Variants in KIF16B observed in about 807,000 individuals in gnomAD.
KIF16B encodes kinesin family member 16B.
A neutral mutation model predicts 156.3 loss-of-function variants in KIF16B; 98 were observed. The ratio of observed to expected loss-of-function variants is 0.63; its 90% CI spans 0.53 to 0.74. KIF16B has a LOEUF of 0.74. KIF16B is among the 30% of genes least tolerant of loss of function. The pLI is 0.00. For missense variants in KIF16B, 1,421 were observed against 1,606.5 expected (o/e 0.88, Z 1.97); for synonymous variants, 564 against 583.7 (o/e 0.97, Z 0.49).
At chr20:16,423,207 G>T (rs1049624524) in intron 15 of KIF16B, among the ~76,000 whole-genome samples, 1 of 151,954 alleles carries the variant, frequency 6.6e-6, no homozygotes, top group African/African-American at 2.4e-5. Context: ...GAACCCAGGT[G>T]TATTAAACAA....
chr20:16,527,467 C>T lies in KIF16B; in HGVS notation c.117+904G>A, dbSNP rs2069588836. Among the ~76,000 whole-genome samples the T allele has an allele frequency of 2.0e-5, 3 of 152,216 alleles. No homozygotes were observed. In the South Asian group the frequency reaches 6.2e-4, roughly 32 times the overall value. Reference sequence around the variant, plus strand: ...TGAACAGGAGATAGATCTGACTTGGCCATGGAGCATCATGTCTCAGAAACC... The same window carrying T: ...TGAACAGGAGATAGATCTGACTTGGTCATGGAGCATCATGTCTCAGAAACC... On this transcript the variant is annotated intron_variant, in intron 2 of 25. Coordinates refer to ENST00000354981, the MANE Select transcript of KIF16B (RefSeq NM_024704.5).
intron 17 of KIF16B, among the ~76,000 whole-genome samples, chr20:16,394,279 C>T (rs2065439572): frequency 6.6e-6 from 1 of 152,150 alleles, no homozygotes; most frequent in East Asian, 1.9e-4. Context: ...GCTCATCTCC[C>T]CACCTACTTT....
At chr20:16,501,614 T>C (rs1043227625) in intron 10 of KIF16B, among the ~76,000 whole-genome samples, 1 of 152,176 alleles carries the variant, frequency 6.6e-6, no homozygotes, top group East Asian at 1.9e-4. Flanking sequence ...TAAAGTACAA[T>C]GGACAAATGA....
intron 12 of KIF16B, among the ~76,000 whole-genome samples, chr20:16,471,205 A>G (rs1012777417): frequency 1.4e-4 from 22 of 152,296 alleles, no homozygotes; most frequent in African/African-American, 5.3e-4. Flanking sequence ...TTGACCCAAC[A>G]AAAGCCAATT....
intron 17 of KIF16B, among the ~76,000 whole-genome samples, chr20:16,392,514 G>A (rs1319890051): frequency 2.6e-5 from 4 of 152,222 alleles, no homozygotes; most frequent in Admixed American, 2.6e-4. Flanking sequence ...AGGCACCGCA[G>A]TTCCTCTGCC....
At chr20:16,330,005 T>C (rs1312463894) in intron 24 of KIF16B, among the ~76,000 whole-genome samples, 1 of 152,194 alleles carries the variant, frequency 6.6e-6, no homozygotes, top group Non-Finnish European at 1.5e-5. Context: ...TTTTTATTCA[T>C]ATAATCTGTC....
At chr20:16,439,903 C>G (rs1442579847) in intron 12 of KIF16B, among the ~76,000 whole-genome samples, 1 of 152,130 alleles carries the variant, frequency 6.6e-6, no homozygotes, top group South Asian at 2.1e-4. Flanking sequence ...CCAAGTCCCT[C>G]CCACAACATG....
intron 3 of KIF16B, among the ~76,000 whole-genome samples, chr20:16,517,055 C>T (rs1204839547): frequency 6.6e-6 from 1 of 152,182 alleles, no homozygotes; most frequent in Non-Finnish European, 1.5e-5. Flanking sequence ...AACACCCACA[C>T]CCTAGACAGG....
intron 24 of KIF16B, among the ~76,000 whole-genome samples, chr20:16,329,292 A>T (rs2063909154): frequency 6.6e-6 from 1 of 152,162 alleles, no homozygotes; most frequent in Admixed American, 6.6e-5. Flanking sequence ...ACCTGGATCT[A>T]TAATAGGTAA....
intron 25 of KIF16B, among the ~76,000 whole-genome samples, chr20:16,306,165 T>C (rs568287470): frequency 1.3e-5 from 2 of 152,344 alleles, no homozygotes; most frequent in East Asian, 3.9e-4. Flanking sequence ...GTTCACATGG[T>C]TCTTCCTTGT....
intron 15 of KIF16B, among the ~76,000 whole-genome samples, chr20:16,426,732 T>G (rs898257565): frequency 6.6e-5 from 10 of 152,148 alleles, no homozygotes; most frequent in Non-Finnish European, 1.5e-4. Flanking sequence ...ATCCTCTATG[T>G]ATGTTACAAT....
At chr20:16,560,999 T>A (rs574835021) in intron 1 of KIF16B, among the ~76,000 whole-genome samples, 1 of 151,954 alleles carries the variant, frequency 6.6e-6, no homozygotes, top group African/African-American at 2.4e-5. Context: ...TAAAAAAATA[T>A]AATAGAGAGG....
At position 16,568,145 on chromosome 20, in the gene KIF16B, A is replaced by C. The variant is rs1027483498; in HGVS notation, c.47+5084T>G. Among the ~76,000 whole-genome samples, 5 of 152,104 alleles carry C rather than the reference A, an allele frequency of 3.3e-5. No individual in the cohort carries two copies. In the East Asian group the frequency reaches 7.7e-4, roughly 23 times the overall value. ...CCCTAAAGATATCAAATCCAGGCAAAATGCCACTGGTGGTTTTTTTTCTTC... is the reference window on the plus strand; with the variant it reads ...CCCTAAAGATATCAAATCCAGGCAACATGCCACTGGTGGTTTTTTTTCTTC... On this transcript the variant is annotated intron_variant, in intron 1 of 25. Coordinates refer to ENST00000354981, the MANE Select transcript of KIF16B (RefSeq NM_024704.5).
At chr20:16,345,112 C>CA (rs2064207937) in intron 23 of KIF16B, among the ~76,000 whole-genome samples, 2 of 152,192 alleles carry the variant, frequency 1.3e-5, no homozygotes, top group Non-Finnish European at 2.9e-5. Flanking sequence ...GAAATCCACC[C>CA]ATCGGTCTCA....
chr20:16,344,654 T>TC (rs1176098464), intron 23 of KIF16B, among the ~76,000 whole-genome samples: 1 of 152,194 alleles, frequency 6.6e-6, no homozygotes, highest in Non-Finnish European at 1.5e-5. Flanking sequence ...GGTGCTGTCC[T>TC]GCACGCTGAA....
intron 17 of KIF16B, among the ~76,000 whole-genome samples, chr20:16,397,182 G>A (rs543601728): frequency 3.3e-4 from 50 of 152,322 alleles, no homozygotes; most frequent in Non-Finnish European, 6.2e-4. Context: ...TCTTAAAGAC[G>A]CTGCACCAGC....
chr20:16,276,576 G>A (rs73898465), intron 25 of KIF16B, among the ~76,000 whole-genome samples: 2,763 of 152,264 alleles, frequency 0.018, 88 homozygotes, highest in African/African-American at 0.064. Context: ...ATTAGGAAGC[G>A]TTCTTTGCAG....
At chr20:16,572,785 A>C (rs2071502460) in intron 1 of KIF16B, among the ~76,000 whole-genome samples, 1 of 152,236 alleles carries the variant, frequency 6.6e-6, no homozygotes. Context: ...CATTCAGGGA[A>C]TCAAAATCAT....
At chr20:16,457,645 G>A (rs926710039) in intron 12 of KIF16B, among the ~76,000 whole-genome samples, 4 of 152,102 alleles carry the variant, frequency 2.6e-5, no homozygotes, top group Admixed American at 1.3e-4. Flanking sequence ...TGTCTTGTGC[G>A]GAGAATGAAG....
Sources: gnomAD v4.1 joint callset for allele counts (sites outside exome capture counted in the v4.1 genomes callset) on GRCh38, gnomAD v4.1.1 for gene constraint, MANE v1.5 for transcripts, NCBI Gene and HGNC (gene_info 2026-07-23, HGNC 2026-07-21) for gene names.